Variants in VWF observed in about 807,000 individuals in gnomAD.
The protein encoded by VWF is Factor VIII related antigen.
VWF carries 176 observed loss-of-function variants against 308.6 expected under a neutral mutation model. The observed-to-expected ratio is 0.57, with a 90% CI of 0.50 to 0.65. VWF has a LOEUF of 0.65. VWF is among the 30% of genes least tolerant of loss of function. The pLI is 0.00. For synonymous variants in VWF, 1,385 were observed against 1,443.4 expected, an observed-to-expected ratio of 0.96 and a Z score of 0.92; for missense variants, 3,146 against 3,648.2, an observed-to-expected ratio of 0.86 and a Z score of 3.55.
At chr12:6,088,921 T>A (rs2136490558) in intron 6 of VWF, among the ~76,000 whole-genome samples, 1 of 152,338 alleles carries the variant, frequency 6.6e-6, no homozygotes, top group Non-Finnish European at 1.5e-5. Flanking sequence ...TCCCTAGGTA[T>A]AACTAACAAG....
At position 6,063,940 on chromosome 12, in the gene VWF, C is replaced by T. The variant is rs574699447; in HGVS notation, c.1432+306G>A. Among the ~76,000 whole-genome samples, 3 of 152,306 alleles carry T rather than the reference C, an allele frequency of 2.0e-5. No individual in the cohort carries two copies. The highest frequency in any genetic ancestry group is 4.1e-4 in the South Asian group (2 of 4,826). On this transcript the variant is annotated intron_variant, in intron 12 of 51. Coordinates refer to ENST00000261405, the MANE Select transcript of VWF (RefSeq NM_000552.5). This position sits in a 1 kb window ranked among gnomAD's most constrained non-coding sequence, Gnocchi z 4.9. ...AGAACCACCTGCCCAAGACTCAACT[C>T]GCCCCTTTGGTTCAAGCCAAATAAA...
chr12:6,033,120 T>C (rs1333509902), intron 20 of VWF, among the ~76,000 whole-genome samples: 3 of 152,182 alleles, frequency 2.0e-5, no homozygotes, highest in Non-Finnish European at 4.4e-5. Context: ...TTCAACTTAA[T>C]GGAATTGTCA....
chr12:5,973,487 C>G (rs866139649), intron 43 of VWF, among the ~76,000 whole-genome samples: 3 of 152,218 alleles, frequency 2.0e-5, no homozygotes, highest in African/African-American at 7.2e-5. Context: ...CTTGTCCCCT[C>G]TGAGGCAATC....
At chr12:6,121,931 GA>G (rs750249010) in intron 2 of VWF, among the ~76,000 whole-genome samples, 10 of 142,644 alleles carry the variant, frequency 7.0e-5, no homozygotes, top group East Asian at 6.1e-4. Context: ...ACTCTGTCTC[GA>G]AAAAAAAAAG....
chr12:6,072,492 CT>C, intron 8 of VWF, 50 bp from the exon 9 acceptor site: 1 of 1,448,996 alleles, frequency 6.9e-7, no homozygotes, highest in Non-Finnish European at 9.7e-7. Flanking sequence ...CATTGCGTCA[CT>C]CATCCCACAA....
intron 34 of VWF, among the ~76,000 whole-genome samples, chr12:6,000,811 CAAAAAA>C (rs71064181): frequency 2.0e-4 from 14 of 69,806 alleles, no homozygotes; most frequent in South Asian, 5.8e-4. Context: ...GACTCTGTCT[CAAAAAA>C]AAAAAAAAAA....
chr12:6,064,782 G>A (rs1245055036), intron 11 of VWF, among the ~76,000 whole-genome samples: 1 of 152,176 alleles, frequency 6.6e-6, no homozygotes, highest in African/African-American at 2.4e-5. Flanking sequence ...ACAGAGTTCA[G>A]AAGAGAAGAC....
At chr12:6,085,913 T>G (rs1022336555) in intron 6 of VWF, among the ~76,000 whole-genome samples, 1 of 152,092 alleles carries the variant, frequency 6.6e-6, no homozygotes, top group Non-Finnish European at 1.5e-5. Flanking sequence ...AAAAAAATTT[T>G]TAAAGGCCAA....
intron 42 of VWF, among the ~76,000 whole-genome samples, chr12:5,980,845 T>C (rs1429121181): frequency 6.6e-6 from 1 of 152,228 alleles, no homozygotes; most frequent in Non-Finnish European, 1.5e-5. Context: ...GCAGCAGCTA[T>C]AACTATGCTC....
chr12:5,964,254 A>ACATG (rs1242060457), intron 47 of VWF, among the ~76,000 whole-genome samples: 10 of 129,918 alleles, frequency 7.7e-5, no homozygotes, highest in African/African-American at 2.4e-4. Flanking sequence ...ATACATGCAT[A>ACATG]CATACATACA....
At chr12:6,025,129 T>C (rs1209791535) in intron 24 of VWF, among the ~76,000 whole-genome samples, 1 of 151,540 alleles carries the variant, frequency 6.6e-6, no homozygotes. Context: ...GGACTCAAAA[T>C]CACCAAAATT....
intron 1 of VWF, among the ~76,000 whole-genome samples, chr12:6,123,907 C>A (rs140659409): frequency 1.1e-3 from 174 of 152,248 alleles, no homozygotes; most frequent in African/African-American, 3.9e-3. Context: ...TCACTTAGAG[C>A]CCCTGCTGTA....
Position 5,948,918 on chromosome 12 carries a change from G to A in VWF, c.*97C>T, listed in dbSNP as rs1943143711. On this transcript the variant is annotated 3_prime_UTR_variant, in exon 52 of 52. Transcript: ENST00000261405. This position sits in a 1 kb window ranked among gnomAD's most constrained non-coding sequence, Gnocchi z 4.4. The stretch of plus-strand genomic sequence containing the variant: ...CTCAGCCTTTATTGTGGGCTCAGAA[G>A]GGCACAAGAGCAGAACATGCAGAGG... 1.4e-6 allele frequency: 2 copies of A among 1,391,206 alleles called. No individual in the cohort carries two copies. The highest frequency in any genetic ancestry group is 2.0e-6 in the Non-Finnish European group (2 of 1,003,228). The allele number at this position is 1,391,206 out of a possible 1,614,324, so 86.2% of individuals were successfully genotyped here.
At chr12:6,113,301 T>TC (rs1945330728) in intron 3 of VWF, among the ~76,000 whole-genome samples, 1 of 151,398 alleles carries the variant, frequency 6.6e-6, no homozygotes, top group South Asian at 2.1e-4. Flanking sequence ...GAGAAACTTT[T>TC]TTTTTTTTTT....
chr12:6,095,678 T>C (rs539849303), intron 5 of VWF, 94 bp from the exon 6 acceptor site: 391 of 1,586,704 alleles, frequency 2.5e-4, no homozygotes, highest in Non-Finnish European at 3.1e-4. Flanking sequence ...GTTTTGTGTG[T>C]TTTGTTTTAA....
chr12:5,962,544 T>C (rs909579526), intron 47 of VWF, among the ~76,000 whole-genome samples: 1 of 128,790 alleles, frequency 7.8e-6, no homozygotes, highest in Non-Finnish European at 1.6e-5. Flanking sequence ...AATTCTTTTT[T>C]TTTTTTTTTT....
At chr12:6,120,631 C>T (rs900315639) in intron 3 of VWF, among the ~76,000 whole-genome samples, 1 of 152,074 alleles carries the variant, frequency 6.6e-6, no homozygotes, top group Non-Finnish European at 1.5e-5. Flanking sequence ...GTCTGTCAGG[C>T]CTTGGAAGGA....
intron 43 of VWF, among the ~76,000 whole-genome samples, chr12:5,972,560 C>T (rs139153090): frequency 6.6e-6 from 1 of 152,304 alleles, no homozygotes; most frequent in Non-Finnish European, 1.5e-5. Flanking sequence ...CAAGCACTCT[C>T]CCCAGCAGGG....
At position 6,064,348 on chromosome 12, in the gene VWF, C is replaced by T. The variant is rs149116506; in HGVS notation, c.1330G>A (p.Val444Ile). The change falls in exon 12 of 52, where the codon GTC becomes ATC. Residue 444 changes from valine to isoleucine, a missense_variant. Val to Ile is a conservative substitution (Grantham distance 29). Coordinates refer to ENST00000261405, the MANE Select transcript of VWF (RefSeq NM_000552.5). Reference sequence around the variant, plus strand: ...TGCAGGCCAGGCAGCCGGACGGTGACGGAGCGGGTGCACACAGCGTCGCGG... The same window carrying T: ...TGCAGGCCAGGCAGCCGGACGGTGATGGAGCGGGTGCACACAGCGTCGCGG... Reference protein sequence around the residue: ...DDRDAVCTRSVTVRLPGLHNS... With the variant: ...DDRDAVCTRSITVRLPGLHNS... The T allele has an allele frequency of 7.6e-5, 122 of 1,614,050 alleles. No individual in the cohort carries two copies. The African/African-American group carries it at 8.3e-4, about 11-fold the overall frequency.
Sources: allele counts gnomAD v4.1 joint callset (sites outside exome capture counted in the v4.1 genomes callset), GRCh38; gene constraint gnomAD v4.1.1; non-coding constraint Gnocchi (gnomAD v3.1); transcripts MANE v1.5; gene names NCBI Gene and HGNC (gene_info 2026-07-23, HGNC 2026-07-21).